The following CWC27 variants were observed in gnomAD, a reference collection of about 807,000 sequenced individuals.
The protein encoded by CWC27 is CWC27 spliceosome associated cyclophilin.
CWC27 carries 47 observed loss-of-function variants against 63.6 expected under a neutral mutation model. The observed-to-expected ratio is 0.74, with a 90% CI of 0.58 to 0.94. The LOEUF (loss-of-function observed/expected upper bound fraction) is 0.94, where lower values mean the gene tolerates loss of function less well. Among genes scored for constraint, CWC27 ranks in the 40% least tolerant of loss-of-function variants. The pLI is 0.00. For missense variants in CWC27, 495 were observed against 554.3 expected, an observed-to-expected ratio of 0.89 and a Z score of 1.07; for synonymous variants, 175 against 179.8, an observed-to-expected ratio of 0.97 and a Z score of 0.22.
intron 11 of CWC27, among the ~76,000 whole-genome samples, chr5:64,931,410 T>C (rs1169008636): frequency 6.6e-6 from 1 of 151,936 alleles, no homozygotes; most frequent in Non-Finnish European, 1.5e-5. Flanking sequence ...TTTAAAATTA[T>C]TTCAAAATAG....
At chr5:64,824,057 A>T (rs1344489775) in intron 10 of CWC27, among the ~76,000 whole-genome samples, 1 of 152,236 alleles carries the variant, frequency 6.6e-6, no homozygotes, top group Non-Finnish European at 1.5e-5. Flanking sequence ...CAAATTTAAA[A>T]GATAAAGTTC....
At chr5:64,945,279 T>C (rs1748569886) in intron 11 of CWC27, among the ~76,000 whole-genome samples, 1 of 152,210 alleles carries the variant, frequency 6.6e-6, no homozygotes. Context: ...AATTTGTTGT[T>C]TGTTTTCTGC....
chr5:64,862,854 T>C (rs1746444683), intron 10 of CWC27, among the ~76,000 whole-genome samples: 1 of 152,172 alleles, frequency 6.6e-6, no homozygotes, highest in Admixed American at 6.5e-5. Context: ...TGGTGTCTCG[T>C]GAGGGCCTAT....
intron 11 of CWC27, among the ~76,000 whole-genome samples, chr5:64,892,400 A>G (rs1200735959): frequency 6.6e-6 from 1 of 152,170 alleles, no homozygotes; most frequent in Non-Finnish European, 1.5e-5. Flanking sequence ...TTATAAAAGT[A>G]ACATTTATTC....
chr5:64,912,073 CAAAAAAAA>C (rs1253684440), intron 11 of CWC27, among the ~76,000 whole-genome samples: 2 of 83,482 alleles, frequency 2.4e-5, no homozygotes, highest in South Asian at 7.8e-4. Flanking sequence ...GACTCTGTCT[CAAAAAAAA>C]AAAAAAAAAA....
At position 64,807,703 on chromosome 5, in the gene CWC27, G is replaced by C. The variant is rs757094161; in HGVS notation, c.938+3317G>C. 2.6e-6 allele frequency: 4 copies of C among 1,535,918 alleles called. No homozygotes were observed. The South Asian group carries it at 3.6e-5, about 14-fold the overall frequency. ...TATGGATTTCTAGATTCCAGCCTCA[G>C]CTGTGTCTCCAGTGCTTCCTTATTA... On this transcript the variant is annotated intron_variant, in intron 10 of 13. Coordinates refer to ENST00000381070, the MANE Select transcript of CWC27 (RefSeq NM_005869.4).
intron 11 of CWC27, among the ~76,000 whole-genome samples, chr5:64,914,759 T>TA (rs1747858428): frequency 6.6e-6 from 1 of 152,140 alleles, no homozygotes; most frequent in South Asian, 2.1e-4. Context: ...ATTCTACCGT[T>TA]ACATACCTAG....
At chr5:64,801,535 G>A (rs113896949) in intron 9 of CWC27, among the ~76,000 whole-genome samples, 143 of 152,106 alleles carry the variant, frequency 9.4e-4, no homozygotes, top group African/African-American at 3.4e-3. Context: ...GTGTGTGTGT[G>A]TATATCTCTC....
At position 64,824,670 on chromosome 5, in the gene CWC27, GT is replaced by G. The variant is rs200770397; in HGVS notation, c.938+20298del. Reference sequence around the variant, plus strand: ...CCTTCAGTCTAGAAAAGTTTTGTGGGTTTTTTTTTTTTTTCCTCTAGAAGGC... The same window carrying G: ...CCTTCAGTCTAGAAAAGTTTTGTGGGTTTTTTTTTTTTTCCTCTAGAAGGC... On this transcript the variant is annotated intron_variant, in intron 10 of 13. Transcript: ENST00000381070. 8.8e-3 allele frequency among the ~76,000 whole-genome samples: 1,156 copies of G among 131,986 alleles called. 9 individuals carry two copies. Among genetic ancestry groups the G allele is most frequent in the African/African-American group, 0.021 (772 of 35,994 alleles). 86.6% of individuals were successfully genotyped at this position (131,986 alleles called of 152,430 possible).
chr5:64,782,691 G>C (rs1287194094), intron 3 of CWC27, among the ~76,000 whole-genome samples: 1 of 152,060 alleles, frequency 6.6e-6, no homozygotes, highest in Admixed American at 6.6e-5. Flanking sequence ...TAAAATATGG[G>C]AGTTTTTGAA....
At chr5:64,851,442 G>A (rs372633928) in intron 10 of CWC27, among the ~76,000 whole-genome samples, 74 of 152,262 alleles carry the variant, frequency 4.9e-4, no homozygotes, top group African/African-American at 1.8e-3. Flanking sequence ...AATCATACAG[G>A]AGTGATATGT....
At chr5:64,921,912 A>G (rs1748006509) in intron 11 of CWC27, among the ~76,000 whole-genome samples, 1 of 152,190 alleles carries the variant, frequency 6.6e-6, no homozygotes, top group African/African-American at 2.4e-5. Context: ...TCCTTCGCTT[A>G]TGAAGCTTAG....
rs766560067 is a variant in CWC27 at position 64,782,013 on chromosome 5, A to G, written c.232A>G (p.Ile78Val). The G allele has an allele frequency of 2.6e-6, 4 of 1,567,536 alleles. No homozygotes were observed. The highest frequency in any genetic ancestry group is 2.7e-5 in the African/African-American group (2 of 73,976). ...TGGCACAGGGAGTGGTGGAGAGTCT[A>G]TCTATGGAGCGCCATTCAAAGTAAG... The part of the protein sequence containing the change: ...PTGTGSGGES[I>V]YGAPFKDEFH... The change falls in exon 3 of 14, where the codon ATC (isoleucine) becomes GTC (valine). Residue 78 changes from isoleucine (I) to valine (V), a missense_variant. This residue lies in a region of CWC27 where 463 missense variants were observed against 498.1 expected (regional missense o/e 0.93). Transcript: ENST00000381070.
rs1468304993 is a variant in CWC27 at position 64,993,619 on chromosome 5, AAT to A, written c.1256+16387_1256+16388del. Reference sequence around the variant, plus strand: ...ACAAGATTACCTTTTCTATGTTGGGAATATATAGTCATGGATTCTGGACTCTC... The same window carrying A: ...ACAAGATTACCTTTTCTATGTTGGGAATATAGTCATGGATTCTGGACTCTC... On this transcript the variant is annotated intron_variant, in intron 13 of 13. Transcript: ENST00000381070. Among the ~76,000 whole-genome samples the A allele has an allele frequency of 3.3e-5, 5 of 152,130 alleles. No individual in the cohort carries two copies. In the East Asian group the frequency reaches 9.7e-4, roughly 29 times the overall value.
In CWC27 at chr5:65,006,721, G is replaced by A. The variant is rs146625378; in HGVS notation, c.1257-11438G>A. Among the ~76,000 whole-genome samples the A allele has an allele frequency of 5.2e-3, 796 of 151,892 alleles. 8 individuals are homozygous for A. Among genetic ancestry groups the A allele is most frequent in the African/African-American group, 0.018 (736 of 41,440 alleles). ...CAAAATGTTCTAATAAAAAGAGTAG[G>A]GAAACATAATTTCTCACTCCTTAGG... On this transcript the variant is annotated intron_variant, in intron 13 of 13. Coordinates refer to ENST00000381070, the MANE Select transcript of CWC27 (RefSeq NM_005869.4).
At chr5:64,868,956 C>T (rs1746600658) in intron 10 of CWC27, among the ~76,000 whole-genome samples, 1 of 151,928 alleles carries the variant, frequency 6.6e-6, no homozygotes, top group Admixed American at 6.6e-5. Flanking sequence ...AAAATAACAT[C>T]CCTTTAGAAT....
chr5:64,908,425 A>G (rs1747709015), intron 11 of CWC27, among the ~76,000 whole-genome samples: 1 of 152,190 alleles, frequency 6.6e-6, no homozygotes. Flanking sequence ...GCTGAGTTCA[A>G]GTCCTGGATA....
intron 10 of CWC27, among the ~76,000 whole-genome samples, chr5:64,819,846 A>G (rs916487493): frequency 6.6e-6 from 1 of 152,212 alleles, no homozygotes; most frequent in Non-Finnish European, 1.5e-5. Flanking sequence ...CAACCTAAGG[A>G]TGGTTAAATT....
intron 13 of CWC27, among the ~76,000 whole-genome samples, chr5:64,978,931 C>T (rs1749281772): frequency 6.6e-6 from 1 of 152,032 alleles, no homozygotes; most frequent in African/African-American, 2.4e-5. Flanking sequence ...AGCTCATAAC[C>T]CACAGGATTC....
Sources: allele counts gnomAD v4.1 joint callset (sites outside exome capture counted in the v4.1 genomes callset), GRCh38; gene constraint gnomAD v4.1.1; regional missense constraint gnomAD v4.1.1; transcripts MANE v1.5; gene names NCBI Gene and HGNC (gene_info 2026-07-23, HGNC 2026-07-21).